The following MDGA1 variants were observed in gnomAD, a reference collection of about 807,000 sequenced individuals.
The protein encoded by MDGA1 is MAM domain-containing glycosylphosphatidylinositol anchor protein 1.
MDGA1 carries 54 observed loss-of-function variants against 101.5 expected under a neutral mutation model. That is an observed-to-expected ratio of 0.53 (90% CI 0.43 to 0.67). MDGA1 has a LOEUF of 0.67. MDGA1 is among the 30% of genes least tolerant of loss of function. The probability of loss-of-function intolerance (pLI) is 0.00; values close to 1 mark genes in which losing one functional copy is unlikely to be tolerated. For missense variants in MDGA1, 1,083 were observed against 1,323.8 expected, an observed-to-expected ratio of 0.82 and a Z score of 2.82; for synonymous variants, 533 against 558.3, an observed-to-expected ratio of 0.95 and a Z score of 0.64.
chr6:37,681,811 G>A (rs115242585), intron 1 of MDGA1, among the ~76,000 whole-genome samples: 1 of 152,214 alleles, frequency 6.6e-6, no homozygotes, highest in African/African-American at 2.4e-5. Context: ...AGGGCATGAA[G>A]CCCACCCTCA....
chr6:37,658,432 GC>G lies in MDGA1; in HGVS notation c.208-14del. The G allele has an allele frequency of 1.3e-6, 2 of 1,597,892 alleles. No individual in the cohort carries two copies. The highest frequency in any genetic ancestry group is 1.7e-6 in the Non-Finnish European group (2 of 1,172,014). On this transcript the variant is annotated splice_polypyrimidine_tract_variant and intron_variant, in intron 2 of 16. Transcript: ENST00000434837. ...TGGTCCACCGTACCTGGGCCGCCAG[GC>G]GGGGCAGAGTCAGACTGTCAGACTC...
rs1325555929 is a variant in MDGA1, at chr6:37,655,027, CCTGT to C, written c.580-99_580-96del. ...CCAGCACCAGAGCCTACCACAAATG[CCTGT>C]CTAATTCCTCTCTTTCCATCCCCAA... On this transcript the variant is annotated intron_variant, in intron 4 of 16. Coordinates refer to ENST00000434837, the MANE Select transcript of MDGA1 (RefSeq NM_153487.4). This position sits in a 1 kb window ranked among gnomAD's most constrained non-coding sequence, Gnocchi z 5.1. 6 of 1,453,892 alleles carry C rather than the reference CCTGT, an allele frequency of 4.1e-6. No homozygotes were observed. Among genetic ancestry groups the C allele is most frequent in the East Asian group, 4.8e-5 (2 of 41,890 alleles). The allele number at this position is 1,453,892 out of a possible 1,614,324, so 90.1% of individuals were successfully genotyped here. A position where few individuals can be genotyped will look rare whatever the true frequency, so the allele number is the denominator to read the frequency against.
chr6:37,682,468 A>G (rs1432116793), intron 1 of MDGA1, among the ~76,000 whole-genome samples: 1 of 152,220 alleles, frequency 6.6e-6, no homozygotes, highest in Non-Finnish European at 1.5e-5. Context: ...TGGGTGACAG[A>G]GAGAGACTCT....
chr6:37,654,700 T>C (rs1481840821), intron 5 of MDGA1, 100 bp downstream of exon 5: 25 of 1,544,870 alleles, frequency 1.6e-5, no homozygotes, highest in Non-Finnish European at 2.2e-5. Context: ...GGCCAGACAT[T>C]AGTGGCAGTG....
At chr6:37,673,678 T>C (rs1761918925) in intron 1 of MDGA1, among the ~76,000 whole-genome samples, 1 of 151,832 alleles carries the variant, frequency 6.6e-6, no homozygotes. Flanking sequence ...GAGCCTGTCC[T>C]CTGTTCACCA....
Position 37,635,526 on chromosome 6 carries a change from C to T in MDGA1, c.*1842G>A, listed in dbSNP as rs544207311. ...GTGCTGATTGGGCATCAGAAGGCCC[C>T]GCTGCATCCTGGCCCGGCCACCCAC... On this transcript the variant is annotated 3_prime_UTR_variant, in exon 17 of 17. Transcript: ENST00000434837. 12 of 398,694 alleles carry T rather than the reference C, an allele frequency of 3.0e-5. No homozygotes were observed. In the South Asian group the frequency reaches 1.0e-3, roughly 34 times the overall value. 24.7% of individuals were successfully genotyped at this position (398,694 alleles called of 1,614,324 possible). A position where few individuals can be genotyped will look rare whatever the true frequency, so the allele number is the denominator to read the frequency against.
At chr6:37,665,778 G>C (rs1479773907) in intron 1 of MDGA1, among the ~76,000 whole-genome samples, 1 of 152,222 alleles carries the variant, frequency 6.6e-6, no homozygotes, top group African/African-American at 2.4e-5. Context: ...ACATAGGCAA[G>C]ATTTGTGGTG....
At chr6:37,677,500 G>A (rs548072270) in intron 1 of MDGA1, among the ~76,000 whole-genome samples, 1 of 152,306 alleles carries the variant, frequency 6.6e-6, no homozygotes, top group Admixed American at 6.5e-5. Flanking sequence ...GGGGTGTCCT[G>A]CGGCCATTAA....
intron 1 of MDGA1, among the ~76,000 whole-genome samples, chr6:37,667,994 C>G (rs1222426372): frequency 6.6e-6 from 1 of 152,090 alleles, no homozygotes; most frequent in Non-Finnish European, 1.5e-5. Context: ...GACTCACTTA[C>G]AATCCCAGCA....
In MDGA1 at chr6:37,644,654, A is replaced by G. The variant is rs1361045884; in HGVS notation, c.2249-5T>C. ...CCTCAAAGTGGCAGGTGTTGTCTGC[A>G]TTTTATGGGGCGAATGAGACAAAGA... On this transcript the variant is annotated splice_region_variant and splice_polypyrimidine_tract_variant and intron_variant, in intron 12 of 16. Coordinates refer to ENST00000434837, the MANE Select transcript of MDGA1 (RefSeq NM_153487.4). 1.9e-6 allele frequency: 3 copies of G among 1,568,294 alleles called. No homozygotes were observed. The highest frequency in any genetic ancestry group is 3.4e-4 in the Middle Eastern group (2 of 5,908).
At chr6:37,649,910 G>C (rs752681170) in intron 8 of MDGA1, 199 bp downstream of exon 8, 1 of 733,346 alleles carries the variant, frequency 1.4e-6, no homozygotes, top group Non-Finnish European at 2.4e-6. Context: ...ATGAAGATGG[G>C]AGATACTTGA....
At chr6:37,664,837 C>T (rs991109629) in intron 1 of MDGA1, among the ~76,000 whole-genome samples, 1 of 87,006 alleles carries the variant, frequency 1.1e-5, no homozygotes, top group African/African-American at 4.8e-5. Flanking sequence ...GAGAGCCTAA[C>T]CTAAGACACA....
Position 37,637,305 on chromosome 6 carries a change from G to T in MDGA1, c.*63C>A. The T allele has an allele frequency of 2.9e-6, 4 of 1,394,710 alleles. No individual in the cohort carries two copies. The highest frequency in any genetic ancestry group is 1.7e-5 in the Admixed American group (1 of 57,650). 86.4% of individuals were successfully genotyped at this position (1,394,710 alleles called of 1,614,324 possible). A position where few individuals can be genotyped will look rare whatever the true frequency, so the allele number is the denominator to read the frequency against. On this transcript the variant is annotated 3_prime_UTR_variant, in exon 17 of 17. Coordinates refer to ENST00000434837, the MANE Select transcript of MDGA1 (RefSeq NM_153487.4). ...CCCCAGCTGGCGGGGGTCAGTCTTT[G>T]GTACAATGTGGACACTTTGGTGTGC...
At chr6:37,678,484 G>A (rs948060474) in intron 1 of MDGA1, among the ~76,000 whole-genome samples, 4 of 152,018 alleles carry the variant, frequency 2.6e-5, no homozygotes, top group Non-Finnish European at 5.9e-5. Flanking sequence ...TCTCTCCTCT[G>A]CTCTCCCTGT....
intron 1 of MDGA1, among the ~76,000 whole-genome samples, chr6:37,684,969 T>C (rs1259983846): frequency 6.6e-6 from 1 of 152,106 alleles, no homozygotes; most frequent in Non-Finnish European, 1.5e-5. Flanking sequence ...AGTATCCCTC[T>C]CAGAGATGGG....
At chr6:37,670,721 G>A (rs917453771) in intron 1 of MDGA1, among the ~76,000 whole-genome samples, 3 of 152,248 alleles carry the variant, frequency 2.0e-5, no homozygotes, top group Non-Finnish European at 4.4e-5. Flanking sequence ...CTCTGTCACA[G>A]ATGATGAGGG....
At chr6:37,647,349 T>C in intron 9 of MDGA1, 25 bp from the exon 10 acceptor site, 1 of 1,490,976 alleles carries the variant, frequency 6.7e-7, no homozygotes, top group South Asian at 1.3e-5. Flanking sequence ...AGGGGGGCAT[T>C]GGGCCGTGGA....
chr6:37,647,281 G>A lies in MDGA1; in HGVS notation c.1938C>T (p.Pro646=), dbSNP rs1346948301. The change falls in exon 10 of 17, where the codon CCC becomes CCT. Residue 646 remains proline, a synonymous_variant. Coordinates refer to ENST00000434837, the MANE Select transcript of MDGA1 (RefSeq NM_153487.4). ...SPEFYFDTPN[P]TRSHKLSKNY... The stretch of plus-strand genomic sequence containing the variant: ...TCTTGGACAGCTTGTGGCTGCGGGT[G>A]GGGTTGGGGGTGTCGAAGTAAAACT... 5.1e-5 allele frequency: 80 copies of A among 1,556,324 alleles called. No individual in the cohort carries two copies. The highest frequency in any genetic ancestry group is 6.7e-5 in the Non-Finnish European group (77 of 1,149,946).
intron 1 of MDGA1, among the ~76,000 whole-genome samples, chr6:37,681,819 T>C (rs1762102791): frequency 6.6e-6 from 1 of 151,990 alleles, no homozygotes; most frequent in Admixed American, 6.5e-5. Context: ...AAGCCCACCC[T>C]CACCCCAGCC....
Sources: allele counts gnomAD v4.1 joint callset (sites outside exome capture counted in the v4.1 genomes callset), GRCh38; gene constraint gnomAD v4.1.1; non-coding constraint Gnocchi (gnomAD v3.1); transcripts MANE v1.5; gene names NCBI Gene and HGNC (gene_info 2026-07-23, HGNC 2026-07-21).